Variants in CERK observed in about 807,000 individuals in gnomAD.
CERK encodes the protein acylsphingosine kinase.
A neutral mutation model predicts 63.4 loss-of-function variants in CERK; 39 were observed. That is an observed-to-expected ratio of 0.61 (90% confidence interval 0.48 to 0.80). The LOEUF is 0.80. Among genes scored for constraint, CERK ranks in the 30% least tolerant of loss-of-function variants. CERK has a pLI of 0.00. For synonymous variants in CERK, 302 were observed against 280.0 expected, an observed-to-expected ratio of 1.08 and a Z score of -0.78; for missense variants, 670 against 714.1, an observed-to-expected ratio of 0.94 and a Z score of 0.70.
chr22:46,696,761 C>T (rs1036385845), intron 8 of CERK, among the ~76,000 whole-genome samples: 16 of 152,206 alleles, frequency 1.1e-4, no homozygotes, highest in African/African-American at 3.1e-4. Context: ...ACCCGGAAGG[C>T]GTCTCCTGCC....
intron 6 of CERK, among the ~76,000 whole-genome samples, chr22:46,705,988 C>T (rs992737973): frequency 3.9e-5 from 6 of 151,964 alleles, no homozygotes; most frequent in African/African-American, 1.2e-4. Flanking sequence ...CAGTGAGCCA[C>T]GATCATGCCA....
Position 46,693,444 on chromosome 22 carries a change from T to A in CERK, c.1109A>T (p.Tyr370Phe). ...QLEEEQKKALYGLEAAEDVEE... is the reference protein window; with the variant it reads ...QLEEEQKKALFGLEAAEDVEE... ...GGAATTACCCGCAGCTTCCAAACCA[T>A]ACAGTGCTTTCTTCTGCTCCTCCTC... Residue 370 changes from tyrosine to phenylalanine, a missense_variant, in exon 10 of 13, where the codon TAT (tyrosine) becomes TTT (phenylalanine). Transcript: ENST00000216264. 2.5e-6 allele frequency: 4 copies of A among 1,614,130 alleles called. No individual in the cohort carries two copies. The highest frequency in any genetic ancestry group is 3.4e-6 in the Non-Finnish European group (4 of 1,179,982).
Position 46,690,229 on chromosome 22 carries a change from C to T in CERK, c.1333-29G>A, listed in dbSNP as rs773860000. The T allele has an allele frequency of 8.1e-6, 13 of 1,599,080 alleles. No homozygotes were observed. The Admixed American group carries it at 1.8e-4, about 23-fold the overall frequency. On this transcript the variant is annotated intron_variant, in intron 11 of 12. Coordinates refer to ENST00000216264, the MANE Select transcript of CERK (RefSeq NM_022766.6). ...CCAAGAAACAGTGAGAGGGACCATT[C>T]AGCTCTAAACGTCATCGTCTGGGTG...
chr22:46,702,915 G>A (rs904601604), intron 6 of CERK, among the ~76,000 whole-genome samples: 1 of 152,164 alleles, frequency 6.6e-6, no homozygotes, highest in African/African-American at 2.4e-5. Flanking sequence ...ACTGAATACG[G>A]GAGTTCCTCA....
At chr22:46,696,102 C>T (rs1202059845) in intron 8 of CERK, among the ~76,000 whole-genome samples, 1 of 152,236 alleles carries the variant, frequency 6.6e-6, no homozygotes, top group Non-Finnish European at 1.5e-5. Context: ...ACAGAGGCCT[C>T]ACATCCTCAT....
At chr22:46,727,457 T>TTG (rs2082924705) in intron 1 of CERK, among the ~76,000 whole-genome samples, 2 of 151,078 alleles carry the variant, frequency 1.3e-5, no homozygotes, top group Admixed American at 6.6e-5. Context: ...TTCTTTTTTT[T>TTG]TTTTTTTTTG....
At chr22:46,695,182 A>G in intron 9 of CERK, 28 bp downstream of exon 9, 1 of 1,118,632 alleles carries the variant, frequency 8.9e-7, no homozygotes, top group Admixed American at 2.0e-5. Flanking sequence ...GTCATTTGCA[A>G]GAGAAACACA....
chr22:46,726,148 G>A (rs1410346852), intron 1 of CERK, among the ~76,000 whole-genome samples: 1 of 152,258 alleles, frequency 6.6e-6, no homozygotes, highest in Non-Finnish European at 1.5e-5. Flanking sequence ...TGGCAGGGCA[G>A]GGTCAAGGTG....
chr22:46,716,573 T>G (rs1978756660), intron 3 of CERK, among the ~76,000 whole-genome samples: 1 of 151,706 alleles, frequency 6.6e-6, no homozygotes, highest in Admixed American at 6.6e-5. Context: ...TTACATAAAT[T>G]TATGTAATTA....
intron 11 of CERK, among the ~76,000 whole-genome samples, chr22:46,691,056 T>TACATACACACACAC (rs1555982639): frequency 6.8e-6 from 1 of 147,194 alleles, no homozygotes; most frequent in Non-Finnish European, 1.5e-5. Flanking sequence ...TATACATACA[T>TACATACACACACAC]ACACACACAC....
In CERK at chr22:46,707,566, T is replaced by A. The variant is rs1230898465; in HGVS notation, c.715+277A>T. 2.6e-5 allele frequency among the ~76,000 whole-genome samples: 4 copies of A among 152,202 alleles called. No individual in the cohort carries two copies. The East Asian group carries it at 5.8e-4, about 22-fold the overall frequency. The stretch of plus-strand genomic sequence containing the variant: ...CCCACCTGCTCCCGGGCACCGGGGG[T>A]TCCCCACTCCAGGACTGCACCCCCA... On this transcript the variant is annotated intron_variant, in intron 6 of 12. Coordinates refer to ENST00000216264, the MANE Select transcript of CERK (RefSeq NM_022766.6).
In CERK at chr22:46,711,140, T is replaced by A. The variant is rs754140409; in HGVS notation, c.515A>T (p.His172Leu). Reference sequence around the variant, plus strand: ...CAGAGTCTCCTTGGCCTGATTAGCATGTTCAGTAACTGTGGGGAAAAATTA... The same window carrying A: ...CAGAGTCTCCTTGGCCTGATTAGCAAGTTCAGTAACTGTGGGGAAAAATTA... The part of the protein sequence containing the change: ...SITTDIIVTE[H>L]ANQAKETLYE... Residue 172 changes from histidine (H) to leucine (L), a missense_variant, in exon 5 of 13, where the codon CAT becomes CTT. His to Leu is a moderately conservative substitution (Grantham distance 99). Transcript: ENST00000216264. 28 of 1,613,572 alleles carry A rather than the reference T, an allele frequency of 1.7e-5. 1 individual carries two copies. The highest frequency in any genetic ancestry group is 2.4e-5 in the Non-Finnish European group (28 of 1,179,468).
intron 1 of CERK, among the ~76,000 whole-genome samples, chr22:46,735,740 G>T (rs576186959): frequency 6.6e-6 from 1 of 152,176 alleles, no homozygotes; most frequent in African/African-American, 2.4e-5. Context: ...GGGGAGGGCT[G>T]GGCAATGCCA....
chr22:46,730,223 G>C (rs1341227086), intron 1 of CERK, among the ~76,000 whole-genome samples: 1 of 146,388 alleles, frequency 6.8e-6, no homozygotes, highest in Non-Finnish European at 1.5e-5. Context: ...TTCAAGACCA[G>C]CCTGGGTAAC....
At chr22:46,701,579 C>T in intron 7 of CERK, 57 bp downstream of exon 7, 3 of 1,449,650 alleles carry the variant, frequency 2.1e-6, no homozygotes, top group Non-Finnish European at 2.8e-6. Context: ...GTGGGACAGG[C>T]CTGGGGGCGC....
At chr22:46,713,508 C>CAAAAAAAAAAAAAAAAAA (rs34168827) in intron 3 of CERK, among the ~76,000 whole-genome samples, 8 of 74,276 alleles carry the variant, frequency 1.1e-4, no homozygotes, top group South Asian at 6.7e-4. Flanking sequence ...GACTTCATCT[C>CAAAAAAAAAAAAAAAAAA]AAAAAAAAAA....
intron 5 of CERK, among the ~76,000 whole-genome samples, chr22:46,708,824 C>T (rs1012988935): frequency 6.6e-6 from 1 of 152,114 alleles, no homozygotes; most frequent in African/African-American, 2.4e-5. Context: ...GAGCTCTCAT[C>T]ACCCGGGAAG....
rs949496573 is a variant in CERK at position 46,690,382 on chromosome 22, A to G, written c.1333-182T>C. Among the ~76,000 whole-genome samples the G allele has an allele frequency of 7.2e-5, 11 of 152,130 alleles. 1 individual carries two copies. The highest frequency in any genetic ancestry group is 6.2e-4 in the South Asian group (3 of 4,818). On this transcript the variant is annotated intron_variant, in intron 11 of 12. Transcript: ENST00000216264. ...CCCTTTCCAGCTGAACTGACAGCTC[A>G]GAGATGAAGGGAAACCTGGCACCCA... is the stretch of plus-strand genomic sequence containing the variant.
intron 3 of CERK, among the ~76,000 whole-genome samples, chr22:46,719,673 A>AAAAAG (rs531707401): frequency 1.4e-4 from 21 of 152,326 alleles, no homozygotes; most frequent in Admixed American, 7.2e-4. Context: ...CTCCATCTTG[A>AAAAAG]AAAAGAAAAG....
Sources: gnomAD v4.1 joint callset for allele counts (sites outside exome capture counted in the v4.1 genomes callset) on GRCh38, gnomAD v4.1.1 for gene constraint, MANE v1.5 for transcripts, NCBI Gene and HGNC (gene_info 2026-07-23, HGNC 2026-07-21) for gene names.